UBR3: variants seen among roughly 807,000 people sequenced by gnomAD.
UBR3 encodes the protein E3 ubiquitin-protein ligase UBR3.
In UBR3, 85 loss-of-function variants were observed where a neutral mutation model predicts 243.2. The ratio of observed to expected loss-of-function variants is 0.35; its 90% CI spans 0.29 to 0.42. The LOEUF is 0.42. UBR3 is among the 10% of genes least tolerant of loss of function. UBR3 has a pLI of 1.00. For missense variants in UBR3, 1,686 were observed against 2,300.8 expected (o/e 0.73, Z 5.47); for synonymous variants, 748 against 799.8 (o/e 0.94, Z 1.09).
intron 1 of UBR3, among the ~76,000 whole-genome samples, chr2:169,837,315 A>G (rs1032210699): frequency 6.6e-6 from 1 of 152,186 alleles, no homozygotes; most frequent in African/African-American, 2.4e-5. Flanking sequence ...CATCTCTACT[A>G]AAAATACAAA....
intron 19 of UBR3, among the ~76,000 whole-genome samples, chr2:169,933,930 T>A (rs2086231402): frequency 6.6e-6 from 1 of 152,188 alleles, no homozygotes; most frequent in Non-Finnish European, 1.5e-5. Context: ...TCGGCATCTC[T>A]CTCTCCGTTT....
At chr2:170,067,973 T>C (rs1459866383) in intron 35 of UBR3, among the ~76,000 whole-genome samples, 1 of 151,828 alleles carries the variant, frequency 6.6e-6, no homozygotes, top group Non-Finnish European at 1.5e-5. Flanking sequence ...TTTCATCACG[T>C]TGGGCAGGAT....
At chr2:170,029,988 T>G (rs1039655157) in intron 31 of UBR3, among the ~76,000 whole-genome samples, 3 of 152,148 alleles carry the variant, frequency 2.0e-5, no homozygotes, top group Non-Finnish European at 4.4e-5. Flanking sequence ...TTGATACTTT[T>G]CTGATTTATA....
rs2091446089 is a variant in UBR3, at chr2:170,061,024, G to A, written c.4786-55G>A. 5.1e-6 allele frequency: 6 copies of A among 1,180,946 alleles called. No individual in the cohort carries two copies. The South Asian group carries it at 9.3e-5, about 18-fold the overall frequency. 73.2% of individuals were successfully genotyped at this position (1,180,946 alleles called of 1,614,324 possible). A position where few individuals can be genotyped will look rare whatever the true frequency, so the allele number is the denominator to read the frequency against. On this transcript the variant is annotated intron_variant, in intron 33 of 38. Coordinates refer to ENST00000272793, the MANE Select transcript of UBR3 (RefSeq NM_172070.4). ...CTACTCATTAAAAATTATTTCCAAT[G>A]TAAATTTTTTATAATTTTCAGTGAC...
At chr2:170,016,651 C>T (rs904570847) in intron 30 of UBR3, among the ~76,000 whole-genome samples, 23 of 151,740 alleles carry the variant, frequency 1.5e-4, no homozygotes, top group Non-Finnish European at 3.1e-4. Flanking sequence ...TTTACTTTAG[C>T]GAAGGGTTTT....
At chr2:170,049,750 T>A (rs1431894183) in intron 32 of UBR3, among the ~76,000 whole-genome samples, 3 of 152,196 alleles carry the variant, frequency 2.0e-5, no homozygotes, top group Non-Finnish European at 4.4e-5. Flanking sequence ...TTTTGATACT[T>A]GTCTGACTTG....
At chr2:169,865,721 A>G (rs530527548) in intron 1 of UBR3, among the ~76,000 whole-genome samples, 1 of 152,090 alleles carries the variant, frequency 6.6e-6, no homozygotes, top group East Asian at 1.9e-4. Context: ...ATGTTTTCCT[A>G]TTCTTCTCTC....
chr2:169,885,743 T>A (rs1172934005), intron 5 of UBR3, among the ~76,000 whole-genome samples: 3 of 152,202 alleles, frequency 2.0e-5, no homozygotes, highest in African/African-American at 7.2e-5. Context: ...TGTGTAGATA[T>A]GCTTTGAATA....
intron 24 of UBR3, among the ~76,000 whole-genome samples, chr2:169,969,699 C>T (rs2088005977): frequency 6.6e-6 from 1 of 151,896 alleles, no homozygotes; most frequent in Admixed American, 6.6e-5. Flanking sequence ...CAGGCGCCTG[C>T]CACCATGCCC....
chr2:169,978,344 G>T (rs13017065), intron 24 of UBR3, among the ~76,000 whole-genome samples: 7 of 151,790 alleles, frequency 4.6e-5, no homozygotes, highest in African/African-American at 1.7e-4. Context: ...GGGTCTTGGC[G>T]TGACATTTTG....
intron 19 of UBR3, among the ~76,000 whole-genome samples, chr2:169,941,634 G>T (rs1301111769): frequency 6.6e-6 from 1 of 152,128 alleles, no homozygotes; most frequent in Non-Finnish European, 1.5e-5. Context: ...ATCACTTACT[G>T]TTGTTAATCT....
At chr2:170,071,222 A>C (rs991408687) in intron 35 of UBR3, among the ~76,000 whole-genome samples, 14 of 152,208 alleles carry the variant, frequency 9.2e-5, no homozygotes, top group African/African-American at 3.4e-4. Flanking sequence ...TCTGCTAAGT[A>C]TCAACTGGAA....
Position 169,907,770 on chromosome 2 carries a change from A to T in UBR3, c.1779+1606A>T, listed in dbSNP as rs1341512561. On this transcript the variant is annotated intron_variant, in intron 10 of 38. Transcript: ENST00000272793. ...CTCATAATTCGTTATCTTTTTTTTT[A>T]ATTTTTAAATTTTTTTTTATTTTTT... Among the ~76,000 whole-genome samples, 5 of 150,906 alleles carry T rather than the reference A, an allele frequency of 3.3e-5. No homozygotes were observed. In the South Asian group the frequency reaches 8.3e-4, roughly 25 times the overall value.
chr2:169,935,598 AT>A (rs2086295827), intron 19 of UBR3, among the ~76,000 whole-genome samples: 1 of 152,218 alleles, frequency 6.6e-6, no homozygotes, highest in African/African-American at 2.4e-5. Flanking sequence ...GTAATTTCTT[AT>A]ATTTCTGTTG....
At chr2:169,961,892 A>G (rs1003783299) in intron 24 of UBR3, among the ~76,000 whole-genome samples, 2 of 50,750 alleles carry the variant, frequency 3.9e-5, no homozygotes, top group African/African-American at 9.6e-5. Context: ...TTTTTTTTTG[A>G]TAACTGGTAT....
intron 24 of UBR3, among the ~76,000 whole-genome samples, chr2:169,960,230 CAA>C (rs2087502768): frequency 1.7e-5 from 1 of 59,104 alleles, no homozygotes; most frequent in Admixed American, 2.3e-4. Flanking sequence ...GCCTGGGTGA[CAA>C]GAGCAAAAAA....
chr2:169,962,108 G>C (rs940893030), intron 24 of UBR3, among the ~76,000 whole-genome samples: 1 of 152,104 alleles, frequency 6.6e-6, no homozygotes. Flanking sequence ...CAGCTGCCAT[G>C]TCATGAGTAT....
intron 31 of UBR3, among the ~76,000 whole-genome samples, chr2:170,033,779 C>T (rs2090748381): frequency 1.3e-5 from 2 of 151,448 alleles, no homozygotes; most frequent in Non-Finnish European, 1.5e-5. Context: ...TTCATATATA[C>T]TTTTTTCTAT....
intron 23 of UBR3, among the ~76,000 whole-genome samples, chr2:169,950,658 C>T (rs1184375686): frequency 6.6e-6 from 1 of 150,658 alleles, no homozygotes; most frequent in African/African-American, 2.4e-5. Flanking sequence ...AAGATATATA[C>T]TATGTTATGT....
Sources: allele counts gnomAD v4.1 joint callset (sites outside exome capture counted in the v4.1 genomes callset), GRCh38; gene constraint gnomAD v4.1.1; transcripts MANE v1.5; gene names NCBI Gene and HGNC (gene_info 2026-07-23, HGNC 2026-07-21).